The following SLC44A1 variants were observed in gnomAD, a reference collection of about 807,000 sequenced individuals.
SLC44A1 encodes the protein choline transporter-like protein 1.
Under a neutral mutation model 79.3 loss-of-function variants are expected in SLC44A1, and 26 were observed. The ratio of observed to expected loss-of-function variants is 0.33; its 90% CI spans 0.24 to 0.46. The LOEUF (loss-of-function observed/expected upper bound fraction) is 0.46. SLC44A1 is among the 20% of genes least tolerant of loss of function. SLC44A1 has a pLI of 1.00. For missense variants in SLC44A1, 688 were observed against 798.1 expected, an observed-to-expected ratio of 0.86 and a Z score of 1.66; for synonymous variants, 263 against 286.2, an observed-to-expected ratio of 0.92 and a Z score of 0.82.
At chr9:105,431,046 C>A (rs1381810605) in intron 15 of SLC44A1, among the ~76,000 whole-genome samples, 1 of 152,172 alleles carries the variant, frequency 6.6e-6, no homozygotes. Context: ...TTCATACATT[C>A]ATATGATGAA....
At chr9:105,365,776 C>A in intron 11 of SLC44A1, 137 bp downstream of exon 11, 1 of 813,308 alleles carries the variant, frequency 1.2e-6, no homozygotes. Flanking sequence ...TCCAGCCCTT[C>A]TCCCTTGTCT....
rs547174431 is a variant in SLC44A1, at chr9:105,390,282, G to T, written c.*1226G>T. On this transcript the variant is annotated 3_prime_UTR_variant, in exon 16 of 16. Coordinates refer to ENST00000374720, the MANE Select transcript of SLC44A1 (RefSeq NM_080546.5). ...ATGGTGAATGCTTTAAGAAAAAAAA[G>T]TGTAATTTGCTAAGAATAATTCATG... 5 of 1,018,146 alleles carry T rather than the reference G, an allele frequency of 4.9e-6. No homozygotes were observed. In the African/African-American group the frequency reaches 6.8e-5, roughly 14 times the overall value. The allele number at this position is 1,018,146 out of a possible 1,614,324, so 63.1% of individuals were successfully genotyped here. A position where few individuals can be genotyped will look rare whatever the true frequency, so the allele number is the denominator to read the frequency against.
Position 105,396,437 on chromosome 9 carries a change from A to G in SLC44A1, c.*7381A>G. 5.1e-6 allele frequency: 5 copies of G among 985,494 alleles called. No individual in the cohort carries two copies. The highest frequency in any genetic ancestry group is 6.0e-6 in the Non-Finnish European group (5 of 829,944). The allele number at this position is 985,494 out of a possible 1,614,324, so 61.0% of individuals were successfully genotyped here. ...CCTATCTTCTGAAGACCAAAGGTCC[A>G]ACTTTACTTACTGGCTGGCACAGCC... On this transcript the variant is annotated 3_prime_UTR_variant, in exon 16 of 16. Coordinates refer to ENST00000374720, the MANE Select transcript of SLC44A1 (RefSeq NM_080546.5).
At chr9:105,436,075 G>A (rs1829460261) in intron 15 of SLC44A1, among the ~76,000 whole-genome samples, 1 of 152,198 alleles carries the variant, frequency 6.6e-6, no homozygotes, top group South Asian at 2.1e-4. Flanking sequence ...GTGTGCGCCT[G>A]TAATCCCAGC....
chr9:105,343,544 C>T (rs1037634581), intron 4 of SLC44A1, among the ~76,000 whole-genome samples: 1 of 152,020 alleles, frequency 6.6e-6, no homozygotes. Flanking sequence ...TTCTTTTTAG[C>T]ACAGTAAGTC....
intron 15 of SLC44A1, among the ~76,000 whole-genome samples, chr9:105,414,005 A>G (rs1346469974): frequency 6.7e-6 from 1 of 149,920 alleles, no homozygotes; most frequent in Non-Finnish European, 1.5e-5. Flanking sequence ...AAAAAAATAG[A>G]TGGACTCAGG....
intron 15 of SLC44A1, among the ~76,000 whole-genome samples, chr9:105,424,963 G>A (rs866941123): frequency 0.017 from 2,285 of 130,900 alleles, 75 homozygotes; most frequent in African/African-American, 0.084. Context: ...AAAAAAAAAA[G>A]AAAAGAAAGA....
At chr9:105,365,170 C>A (rs982196329) in intron 10 of SLC44A1, among the ~76,000 whole-genome samples, 1 of 152,138 alleles carries the variant, frequency 6.6e-6, no homozygotes, top group African/African-American at 2.4e-5. Context: ...AATTTAACAT[C>A]TTTTTAAATT....
rs546061302 is a variant in SLC44A1, at chr9:105,396,721, C to CTT, written c.*7677_*7678dup. On this transcript the variant is annotated 3_prime_UTR_variant, in exon 16 of 16. Transcript: ENST00000374720. Reference sequence around the variant, plus strand: ...ATTTCTCAATCTGATGCCTTTTTGTCTTTTTTTTTTTTTGCCATTTGCATC... The same window carrying CTT: ...ATTTCTCAATCTGATGCCTTTTTGTCTTTTTTTTTTTTTTTGCCATTTGCATC... The CTT allele has an allele frequency of 1.9e-5, 17 of 871,810 alleles. No individual in the cohort carries two copies. The highest frequency in any genetic ancestry group is 1.1e-4 in the South Asian group (2 of 19,002). 54.0% of individuals were successfully genotyped at this position (871,810 alleles called of 1,614,324 possible). A position where few individuals can be genotyped will look rare whatever the true frequency, so the allele number is the denominator to read the frequency against.
rs552966374 is a variant in SLC44A1 at position 105,383,681 on chromosome 9, A to T, written c.1869+322A>T. Among the ~76,000 whole-genome samples, 10 of 152,288 alleles carry T rather than the reference A, an allele frequency of 6.6e-5. No homozygotes were observed. In the East Asian group the frequency reaches 1.9e-3, roughly 29 times the overall value. On this transcript the variant is annotated intron_variant, in intron 14 of 15. Transcript: ENST00000374720. Reference sequence around the variant, plus strand: ...AAACTAGCTTCTAGCCTTTTCCTGAAATGGGGCTCAAAGACAAAATATCCT... The same window carrying T: ...AAACTAGCTTCTAGCCTTTTCCTGATATGGGGCTCAAAGACAAAATATCCT...
At chr9:105,420,766 C>T (rs1829237288) in intron 15 of SLC44A1, among the ~76,000 whole-genome samples, 1 of 145,238 alleles carries the variant, frequency 6.9e-6, no homozygotes. Context: ...GAGGCTAAGG[C>T]AGGAGAATCA....
At chr9:105,312,268 C>T (rs182575152) in intron 3 of SLC44A1, among the ~76,000 whole-genome samples, 2 of 152,170 alleles carry the variant, frequency 1.3e-5, no homozygotes, top group African/African-American at 2.4e-5. Context: ...TCCTTCGGCT[C>T]TCAGCATAAA....
rs1828770204 is a variant in SLC44A1 at position 105,391,912 on chromosome 9, ATT to A, written c.*2857_*2858del. 2 of 985,162 alleles carry A rather than the reference ATT, an allele frequency of 2.0e-6. No individual in the cohort carries two copies. Among genetic ancestry groups the A allele is most frequent in the Non-Finnish European group, 2.4e-6 (2 of 829,836 alleles). 61.0% of individuals were successfully genotyped at this position (985,162 alleles called of 1,614,324 possible). A position where few individuals can be genotyped will look rare whatever the true frequency, so the allele number is the denominator to read the frequency against. ...TCTAGAGTTTTAATTGGGGTCCTCT[ATT>A]GTCAATTGTAGTAGTGACCAGAGTA... On this transcript the variant is annotated 3_prime_UTR_variant, in exon 16 of 16. Coordinates refer to ENST00000374720, the MANE Select transcript of SLC44A1 (RefSeq NM_080546.5).
At chr9:105,344,775 AGAT>A (rs1173282432) in intron 4 of SLC44A1, among the ~76,000 whole-genome samples, 1 of 152,184 alleles carries the variant, frequency 6.6e-6, no homozygotes, top group Non-Finnish European at 1.5e-5. Context: ...ATAAAAATAG[AGAT>A]GATATATAAA....
intron 3 of SLC44A1, among the ~76,000 whole-genome samples, chr9:105,310,113 G>C (rs1831138525): frequency 6.6e-6 from 1 of 151,584 alleles, no homozygotes; most frequent in Non-Finnish European, 1.5e-5. Flanking sequence ...CATGTTAATG[G>C]GTAAAGGCTT....
At chr9:105,336,134 ATGTGTGTGTGTGTG>A (rs35324360) in intron 4 of SLC44A1, among the ~76,000 whole-genome samples, 1 of 144,988 alleles carries the variant, frequency 6.9e-6, no homozygotes, top group African/African-American at 2.5e-5. Flanking sequence ...GTGTGTGTGC[ATGTGTGTGTGTGTG>A]TGTGTGTGTG....
chr9:105,318,895 C>T (rs1826290150), intron 3 of SLC44A1, among the ~76,000 whole-genome samples: 1 of 152,044 alleles, frequency 6.6e-6, no homozygotes, highest in African/African-American at 2.4e-5. Context: ...ATATGTTTGC[C>T]ATGTCTAAGT....
chr9:105,306,385 A>G (rs1831031667), intron 2 of SLC44A1, among the ~76,000 whole-genome samples: 3 of 151,988 alleles, frequency 2.0e-5, no homozygotes, highest in Admixed American at 1.3e-4. Flanking sequence ...CCTTTCTGAA[A>G]CTATATTGCT....
At chr9:105,397,504 G>A (rs566543429), downstream of SLC44A1, among the ~76,000 whole-genome samples, 10 of 152,224 alleles carry the variant, frequency 6.6e-5, 1 homozygote, top group African/African-American at 2.2e-4. Context: ...TGTTCTGGGG[G>A]CTTCGGAATA....
Sources: gnomAD v4.1 joint callset for allele counts (sites outside exome capture counted in the v4.1 genomes callset) on GRCh38, gnomAD v4.1.1 for gene constraint, MANE v1.5 for transcripts, NCBI Gene and HGNC (gene_info 2026-07-23, HGNC 2026-07-21) for gene names.